The following CERS3 variants were observed in gnomAD, a reference collection of about 807,000 sequenced individuals.
CERS3 encodes the protein LAG1 homolog, ceramide synthase 3.
A neutral mutation model predicts 50.3 loss-of-function variants in CERS3; 33 were observed. That is an observed-to-expected ratio of 0.66 (90% CI 0.50 to 0.88). The LOEUF is 0.88. Ranked by LOEUF, CERS3 falls within the 40% of genes least tolerant of loss-of-function variation. The pLI is 0.00. For synonymous variants in CERS3, 176 were observed against 155.2 expected, an observed-to-expected ratio of 1.13 and a Z score of -0.99; for missense variants, 470 against 460.3, an observed-to-expected ratio of 1.02 and a Z score of -0.19.
At chr15:100,451,657 A>C (rs2034174556) in intron 11 of CERS3, among the ~76,000 whole-genome samples, 1 of 152,208 alleles carries the variant, frequency 6.6e-6, no homozygotes, top group East Asian at 1.9e-4. Flanking sequence ...CAGTGAGCCA[A>C]GATCGTGCCT....
At chr15:100,471,569 GC>G (rs2034969473) in intron 9 of CERS3, among the ~76,000 whole-genome samples, 1 of 152,140 alleles carries the variant, frequency 6.6e-6, no homozygotes, top group African/African-American at 2.4e-5. Flanking sequence ...TTAAGTCGGG[GC>G]CAGTGTGGTC....
At chr15:100,472,165 T>C (rs998061080) in intron 9 of CERS3, among the ~76,000 whole-genome samples, 1 of 152,216 alleles carries the variant, frequency 6.6e-6, no homozygotes, top group African/African-American at 2.4e-5. Context: ...GTTAGCGTCA[T>C]TTCCCCTGGA....
chr15:100,416,171 T>C (rs1033392088), intron 11 of CERS3, among the ~76,000 whole-genome samples: 1 of 152,058 alleles, frequency 6.6e-6, no homozygotes, highest in African/African-American at 2.4e-5. Context: ...AGCCCCCAAA[T>C]AGCCAAAGTA....
intron 11 of CERS3, among the ~76,000 whole-genome samples, chr15:100,437,007 A>G (rs1867162): frequency 0.41 from 60,658 of 148,780 alleles, 12,620 homozygotes; most frequent in East Asian, 0.57. Context: ...GCAGTGGTGC[A>G]ATCTCCACTC....
At chr15:100,521,483 A>T (rs1458000483) in intron 2 of CERS3, among the ~76,000 whole-genome samples, 184 bp downstream of exon 2, 1 of 152,216 alleles carries the variant, frequency 6.6e-6, no homozygotes, top group Non-Finnish European at 1.5e-5. Flanking sequence ...TCAAAAGGAA[A>T]GAATACAAAT....
intron 3 of CERS3, among the ~76,000 whole-genome samples, chr15:100,497,799 G>C (rs1490402948): frequency 6.8e-6 from 1 of 147,624 alleles, no homozygotes; most frequent in Non-Finnish European, 1.5e-5. Context: ...AGTCCTCTTT[G>C]TTAACTTCAA....
chr15:100,455,863 T>C (rs760256000), intron 11 of CERS3, 30 bp downstream of exon 11: 2 of 1,506,428 alleles, frequency 1.3e-6, no homozygotes, highest in Admixed American at 4.0e-5. Flanking sequence ...GCAATGACAT[T>C]AAGAGCAATA....
intron 11 of CERS3, among the ~76,000 whole-genome samples, chr15:100,443,385 C>T (rs1382880096): frequency 7.4e-5 from 11 of 149,638 alleles, no homozygotes; most frequent in Non-Finnish European, 1.2e-4. Flanking sequence ...TCCCCCATTT[C>T]ACTTGTCCTA....
intron 8 of CERS3, among the ~76,000 whole-genome samples, chr15:100,474,810 G>C (rs2035076624): frequency 1.3e-5 from 2 of 152,180 alleles, no homozygotes; most frequent in Non-Finnish European, 2.9e-5. Context: ...AGTTTAGAGA[G>C]TTTAACTAAC....
intron 9 of CERS3, among the ~76,000 whole-genome samples, chr15:100,470,126 C>T (rs572883122): frequency 9.9e-5 from 15 of 152,234 alleles, no homozygotes; most frequent in Admixed American, 2.0e-4. Context: ...AATTGATAAG[C>T]GCTCTCTAGT....
intron 1 of CERS3, among the ~76,000 whole-genome samples, chr15:100,525,151 T>C (rs2036749287): frequency 6.6e-6 from 1 of 152,152 alleles, no homozygotes; most frequent in African/African-American, 2.4e-5. Context: ...TGAATGTGAG[T>C]GTGTGTTTAC....
At chr15:100,443,349 T>C (rs1266918966) in intron 11 of CERS3, among the ~76,000 whole-genome samples, 1 of 150,670 alleles carries the variant, frequency 6.6e-6, no homozygotes, top group Non-Finnish European at 1.5e-5. Flanking sequence ...CATGGCCTTT[T>C]AAAGCCTATA....
At position 100,442,635 on chromosome 15, in the gene CERS3, A is replaced by G. The variant is rs1039729313; in HGVS notation, c.999+13258T>C. On this transcript the variant is annotated intron_variant, in intron 11 of 11. Coordinates refer to ENST00000679737, the MANE Select transcript of CERS3 (RefSeq NM_001378789.1). Reference sequence around the variant, plus strand: ...ATTCCTCCTAAGCCGTGTCCTGTCTATGCGGGACCCCACTGAAAATCAGAC... The same window carrying G: ...ATTCCTCCTAAGCCGTGTCCTGTCTGTGCGGGACCCCACTGAAAATCAGAC... Among the ~76,000 whole-genome samples the G allele has an allele frequency of 3.1e-4, 46 of 149,464 alleles. 1 individual carries two copies. The East Asian group carries it at 4.3e-3, about 14-fold the overall frequency.
chr15:100,402,763 C>A lies in CERS3; in HGVS notation c.1102G>T (p.Gly368Cys). ...ATGAGGTGCCTCTCAGCCCTGAGGC[C>A]GTTCTTTAAACAATCCATCTCTTTG... ...KGKEMDCLKN[G>C]LRAERHLIPN... is the part of the protein sequence containing the mutation. Residue 368 changes from glycine to cysteine, a missense_variant, in exon 12 of 12, where the codon GGC (glycine) becomes TGC (cysteine). Transcript: ENST00000679737. The A allele has an allele frequency of 6.2e-7, 1 of 1,614,168 alleles. No individual in the cohort carries two copies.
chr15:100,482,611 T>TA (rs74771339), intron 5 of CERS3, among the ~76,000 whole-genome samples: 7,399 of 79,938 alleles, frequency 0.093, 191 homozygotes, highest in Middle Eastern at 0.16. Context: ...TTTTTTTTTT[T>TA]AAAAAAAAGG....
intron 11 of CERS3, among the ~76,000 whole-genome samples, chr15:100,443,301 T>G (rs925568276): frequency 2.6e-5 from 4 of 151,470 alleles, no homozygotes; most frequent in African/African-American, 9.7e-5. Context: ...CAGCATGCTT[T>G]GAAAAGACTA....
At chr15:100,500,401 C>G (rs1032125250) in intron 3 of CERS3, 1 of 152,214 alleles carries the variant, frequency 6.6e-6, no homozygotes, top group Admixed American at 6.5e-5. Context: ...ACGTAACAAG[C>G]TGGTCCTCCA....
intron 11 of CERS3, among the ~76,000 whole-genome samples, chr15:100,417,758 A>G (rs1211998027): frequency 1.3e-5 from 2 of 151,884 alleles, no homozygotes; most frequent in African/African-American, 2.4e-5. Flanking sequence ...TGCCTCCTCA[A>G]GTAGGTCCCT....
chr15:100,508,933 T>C (rs2036259953), intron 2 of CERS3, among the ~76,000 whole-genome samples: 1 of 152,208 alleles, frequency 6.6e-6, no homozygotes, highest in African/African-American at 2.4e-5. Context: ...TAAAAAAATC[T>C]GAGGCTATTT....
Sources: gnomAD v4.1 joint callset for allele counts (sites outside exome capture counted in the v4.1 genomes callset) on GRCh38, gnomAD v4.1.1 for gene constraint, MANE v1.5 for transcripts, NCBI Gene and HGNC (gene_info 2026-07-23, HGNC 2026-07-21) for gene names.